The following CDKL5 variants were observed in gnomAD, a reference collection of about 807,000 sequenced individuals.
CDKL5 encodes cyclin-dependent kinase-like 5.
Under a neutral mutation model 61.7 loss-of-function variants are expected in CDKL5, and 8 were observed. The observed-to-expected ratio is 0.13, with a 90% CI of 0.08 to 0.23. The LOEUF (loss-of-function observed/expected upper bound fraction) is 0.23, where lower values mean the gene tolerates loss of function less well. Ranked by LOEUF, CDKL5 falls within the 10% of genes least tolerant of loss-of-function variation. The pLI is 1.00. For synonymous variants in CDKL5, 275 were observed against 272.3 expected, an observed-to-expected ratio of 1.01 and a Z score of -0.10; for missense variants, 440 against 734.5, an observed-to-expected ratio of 0.60 and a Z score of 4.63.
At chrX:18,429,076 G>C (rs1417289684) in intron 1 of CDKL5, among the ~76,000 whole-genome samples, 1 of 111,046 alleles carries the variant, frequency 9.0e-6, no homozygotes, top group East Asian at 2.8e-4. Flanking sequence ...ATTCAAGTTT[G>C]TACATTTCTT....
chrX:18,495,743 C>T (rs1922147146), intron 1 of CDKL5, among the ~76,000 whole-genome samples: 1 of 111,583 alleles, frequency 9.0e-6, no homozygotes, highest in Non-Finnish European at 1.9e-5. Context: ...TTCTCATAGC[C>T]CTGGTGGCTT....
Position 18,632,218 on chromosome X carries a change from A to T in CDKL5, c.*3461A>T. ...ACATCACATTCTCTTAAGAGTCTTCAACCACTATGCCTGAATCCTTGGAAT... is the reference window on the plus strand; with the variant it reads ...ACATCACATTCTCTTAAGAGTCTTCTACCACTATGCCTGAATCCTTGGAAT... On this transcript the variant is annotated 3_prime_UTR_variant, in exon 18 of 18. Transcript: ENST00000623535. The T allele has an allele frequency of 1.3e-6, 1 of 753,539 alleles. No homozygotes were observed. Among genetic ancestry groups the T allele is most frequent in the Non-Finnish European group, 1.6e-6 (1 of 638,419 alleles). 62.1% of individuals were successfully genotyped at this position (753,539 alleles called of 1,213,427 possible). A position where few individuals can be genotyped will look rare whatever the true frequency, so the allele number is the denominator to read the frequency against.
At chrX:18,464,828 G>T (rs1932364866) in intron 1 of CDKL5, among the ~76,000 whole-genome samples, 1 of 111,679 alleles carries the variant, frequency 9.0e-6, no homozygotes, top group Non-Finnish European at 1.9e-5. Flanking sequence ...ACTAAGAGTT[G>T]GTCTGCTTTT....
At chrX:18,425,922 A>G (rs1483789393) in intron 1 of CDKL5, among the ~76,000 whole-genome samples, 1 of 108,885 alleles carries the variant, frequency 9.2e-6, no homozygotes. Context: ...GCTTCCCCCG[A>G]GGGGCTGGGG....
intron 17 of CDKL5, among the ~76,000 whole-genome samples, chrX:18,625,737 C>T (rs1214154024): frequency 4.5e-5 from 5 of 111,894 alleles, no homozygotes; most frequent in Admixed American, 2.8e-4. Context: ...AACAGGCAAA[C>T]AGTTGCATTA....
chrX:18,458,428 G>A (rs1420627322), intron 1 of CDKL5, among the ~76,000 whole-genome samples: 6 of 111,712 alleles, frequency 5.4e-5, no homozygotes, highest in Admixed American at 2.8e-4. Flanking sequence ...ATGTAAATAT[G>A]TTAATTAGAC....
At chrX:18,539,084 G>A (rs1482033177) in intron 3 of CDKL5, among the ~76,000 whole-genome samples, 1 of 111,217 alleles carries the variant, frequency 9.0e-6, no homozygotes, top group Non-Finnish European at 1.9e-5. Flanking sequence ...TCCTTGTTTT[G>A]TTCCTGATAC....
chrX:18,577,546 G>C (rs1231649448), intron 5 of CDKL5, among the ~76,000 whole-genome samples: 1 of 112,411 alleles, frequency 8.9e-6, no homozygotes, highest in African/African-American at 3.2e-5. Context: ...AGGTAGGGCA[G>C]TACAGGACTA....
At position 18,647,346 on chromosome X, in the gene CDKL5, A is replaced by C. The variant is rs1406465626; in HGVS notation, c.2797+1256A>C. On this transcript the variant is annotated intron_variant, in intron 20 of 21. Coordinates refer to the CDKL5 transcript ENST00000379989. Reference sequence around the variant, plus strand: ...GATATGGGCATTCTGGGAAAGGAAAAAGAATTCACATTCACACATATCTCA... The same window carrying C: ...GATATGGGCATTCTGGGAAAGGAAACAGAATTCACATTCACACATATCTCA... The C allele has an allele frequency of 5.8e-6, 7 of 1,206,536 alleles. No individual in the cohort carries two copies. The highest frequency in any genetic ancestry group is 7.8e-6 in the Non-Finnish European group (7 of 893,050).
At chrX:18,494,128 C>A (rs1403726432) in intron 1 of CDKL5, among the ~76,000 whole-genome samples, 1 of 112,563 alleles carries the variant, frequency 8.9e-6, no homozygotes, top group Non-Finnish European at 1.9e-5. Flanking sequence ...GTTGCCCAGG[C>A]TGGTCTCAAA....
At chrX:18,618,156 G>T (rs1450646092) in intron 15 of CDKL5, among the ~76,000 whole-genome samples, 1 of 112,033 alleles carries the variant, frequency 8.9e-6, no homozygotes, top group Non-Finnish European at 1.9e-5. Context: ...TGATGAATAT[G>T]TCTTCCTTAA....
At chrX:18,582,892 TTGTC>T (rs1392287958) in intron 7 of CDKL5, among the ~76,000 whole-genome samples, 7 of 111,795 alleles carry the variant, frequency 6.3e-5, no homozygotes, top group Non-Finnish European at 9.4e-5. Flanking sequence ...ATTAACCTGT[TTGTC>T]TGAGAAAAAA....
chrX:18,450,279 A>G (rs1286704801), intron 1 of CDKL5, among the ~76,000 whole-genome samples: 1 of 112,170 alleles, frequency 8.9e-6, no homozygotes, highest in Non-Finnish European at 1.9e-5. Context: ...TTTTTTGGTT[A>G]ATACATACCT....
At chrX:18,540,095 TA>T (rs766331072) in intron 3 of CDKL5, among the ~76,000 whole-genome samples, 24 of 112,508 alleles carry the variant, frequency 2.1e-4, no homozygotes, top group Non-Finnish European at 4.3e-4. Flanking sequence ...TTTATTTTTG[TA>T]GCCTGTTCTA....
intron 20 of CDKL5, chrX:18,647,292 C>T: frequency 8.3e-7 from 1 of 1,210,956 alleles, no homozygotes; most frequent in Non-Finnish European, 1.1e-6. Flanking sequence ...CCGGTGTGAC[C>T]TCCCCTGACT....
At position 18,511,386 on chromosome X, in the gene CDKL5, AT is replaced by A. The variant is rs745518921; in HGVS notation, c.99+543del. On this transcript the variant is annotated intron_variant, in intron 3 of 17. Transcript: ENST00000623535. Reference sequence around the variant, plus strand: ...CCTTAGTTCTTAGCAATCACGTGCTATTTTTTTTTTTCAACTGACCTATGCC... The same window carrying A: ...CCTTAGTTCTTAGCAATCACGTGCTATTTTTTTTTTCAACTGACCTATGCC... Among the ~76,000 whole-genome samples, 62 of 105,165 alleles carry A rather than the reference AT, an allele frequency of 5.9e-4. 1 individual carries two copies. The East Asian group carries it at 0.014, about 24-fold the overall frequency. 91.3% of individuals were successfully genotyped at this position (105,165 alleles called of 115,157 possible). A position where few individuals can be genotyped will look rare whatever the true frequency, so the allele number is the denominator to read the frequency against.
intron 9 of CDKL5, among the ~76,000 whole-genome samples, chrX:18,594,179 G>T (rs751858919): frequency 9.8e-5 from 11 of 112,040 alleles, no homozygotes; most frequent in African/African-American, 3.6e-4. Flanking sequence ...TCGGTACTTA[G>T]AAATGCTTGT....
chrX:18,510,355 A>G (rs936541642), intron 2 of CDKL5, among the ~76,000 whole-genome samples: 3 of 111,952 alleles, frequency 2.7e-5, no homozygotes, highest in Non-Finnish European at 5.6e-5. Context: ...GGTTTTTGCC[A>G]TGTTGGCCAG....
chrX:18,478,029 A>G (rs1221679509), intron 1 of CDKL5, among the ~76,000 whole-genome samples: 2 of 111,082 alleles, frequency 1.8e-5, no homozygotes, highest in Non-Finnish European at 3.8e-5. Flanking sequence ...GTGTGGAGTC[A>G]TGTTACTGTC....
Sources: gnomAD v4.1 joint callset for allele counts (sites outside exome capture counted in the v4.1 genomes callset) on GRCh38, gnomAD v4.1.1 for gene constraint, MANE v1.5 for transcripts, NCBI Gene and HGNC (gene_info 2026-07-23, HGNC 2026-07-21) for gene names.